PIK3R3: variants seen among roughly 807,000 people sequenced by gnomAD.
PIK3R3 encodes the protein phosphoinositide-3-kinase regulatory subunit 3.
In PIK3R3, 64 loss-of-function variants were observed where a neutral mutation model predicts 62.9. The ratio of observed to expected loss-of-function variants is 1.02; its 90% CI spans 0.83 to 1.25. PIK3R3 has a LOEUF of 1.25. Among genes scored for constraint, PIK3R3 ranks in the 50% most tolerant of loss-of-function variants. The pLI is 0.00. For missense variants in PIK3R3, 614 were observed against 561.6 expected (o/e 1.09, Z -0.94); for synonymous variants, 165 against 189.0 (o/e 0.87, Z 1.04).
intron 3 of PIK3R3, 58 bp from the exon 4 acceptor site, chr1:46,067,149 T>G: frequency 7.8e-7 from 1 of 1,284,590 alleles, no homozygotes; most frequent in African/African-American, 1.5e-5. Context: ...ACTGAACTAC[T>G]GCTTTCATAT....
chr1:46,115,909 A>T (rs1654146832), intron 1 of PIK3R3, among the ~76,000 whole-genome samples: 1 of 152,188 alleles, frequency 6.6e-6, no homozygotes, highest in African/African-American at 2.4e-5. Flanking sequence ...GGAGACAGGT[A>T]CTCACGGAAT....
chr1:46,104,467 G>A (rs1652997525), intron 1 of PIK3R3, among the ~76,000 whole-genome samples: 1 of 152,068 alleles, frequency 6.6e-6, no homozygotes, highest in Non-Finnish European at 1.5e-5. Flanking sequence ...ATTCTGTGTA[G>A]TTACCATGTA....
At chr1:46,071,759 A>AGAGAGAGC (rs777668187) in intron 3 of PIK3R3, among the ~76,000 whole-genome samples, 18 of 100,112 alleles carry the variant, frequency 1.8e-4, no homozygotes, top group Non-Finnish European at 3.0e-4. Context: ...AGAGAGAGAG[A>AGAGAGAGC]GCGCGCGCCT....
At chr1:46,076,675 C>T (rs970840770) in intron 3 of PIK3R3, among the ~76,000 whole-genome samples, 1 of 152,266 alleles carries the variant, frequency 6.6e-6, no homozygotes, top group Non-Finnish European at 1.5e-5. Context: ...AGGCAGCAAA[C>T]AGCCAGATGA....
upstream of PIK3R3, among the ~76,000 whole-genome samples, chr1:46,135,420 A>G (rs1655893648): frequency 1.3e-5 from 2 of 152,188 alleles, no homozygotes; most frequent in African/African-American, 2.4e-5. Flanking sequence ...GATTTATGCA[A>G]GCTGCTTAGT....
At chr1:46,119,917 A>G (rs941704930) in intron 1 of PIK3R3, among the ~76,000 whole-genome samples, 4 of 151,896 alleles carry the variant, frequency 2.6e-5, no homozygotes, top group Non-Finnish European at 5.9e-5. Flanking sequence ...AGCTGGGACT[A>G]TAAGAATGCA....
Position 46,043,232 on chromosome 1 carries a change from G to C in PIK3R3, c.*441C>G, listed in dbSNP as rs1009008408. The C allele has an allele frequency of 1.7e-5, 4 of 233,510 alleles. No individual in the cohort carries two copies. Among genetic ancestry groups the C allele is most frequent in the East Asian group, 6.1e-5 (1 of 16,468 alleles). The allele number at this position is 233,510 out of a possible 1,614,324, so 14.5% of individuals were successfully genotyped here. A position where few individuals can be genotyped will look rare whatever the true frequency, so the allele number is the denominator to read the frequency against. On this transcript the variant is annotated 3_prime_UTR_variant, in exon 10 of 10. Coordinates refer to ENST00000262741, the MANE Select transcript of PIK3R3 (RefSeq NM_003629.4). ...ACAAAACCTAAACAGCCTTCTTCGT[G>C]GGGGGAAGAGAGACTGCCAAAGCAA...
At chr1:46,050,121 C>CAAAAAAA (rs1265958044) in intron 7 of PIK3R3, among the ~76,000 whole-genome samples, 1 of 79,008 alleles carries the variant, frequency 1.3e-5, no homozygotes. Flanking sequence ...AACTCTGTCT[C>CAAAAAAA]AAAAAAAAAA....
At chr1:46,131,750 G>A in intron 1 of PIK3R3, 97 bp downstream of exon 1, 1 of 1,151,754 alleles carries the variant, frequency 8.7e-7, no homozygotes, top group Non-Finnish European at 1.3e-6. Flanking sequence ...CGAACCTAGC[G>A]CACCCAGGAA....
chr1:46,097,614 G>A lies in PIK3R3; in HGVS notation c.107-16864C>T, dbSNP rs1013002887. ...TTAAGATTCTAGCCAGGGGCTGGGC[G>A]TGGTGGCTCATACCTGTAATCCCAG... On this transcript the variant is annotated intron_variant, in intron 1 of 9. Transcript: ENST00000262741. 3.9e-5 allele frequency among the ~76,000 whole-genome samples: 6 copies of A among 152,120 alleles called. No homozygotes were observed. The East Asian group carries it at 5.8e-4, about 15-fold the overall frequency.
the PIK3R3 span, among the ~76,000 whole-genome samples, chr1:46,149,139 C>T: frequency 3.3e-5 from 5 of 152,064 alleles, no homozygotes; most frequent in African/African-American, 9.7e-5. Flanking sequence ...AAGATACTCC[C>T]GGCTGGGCGG....
intron 1 of PIK3R3, among the ~76,000 whole-genome samples, chr1:46,098,183 G>A (rs546507290): frequency 6.6e-6 from 1 of 152,232 alleles, no homozygotes; most frequent in South Asian, 2.1e-4. Flanking sequence ...TAGTCATTAG[G>A]AAAATGCAAA....
chr1:46,073,100 C>A (rs1344863841), intron 3 of PIK3R3, among the ~76,000 whole-genome samples: 2 of 152,032 alleles, frequency 1.3e-5, no homozygotes, highest in Non-Finnish European at 2.9e-5. Flanking sequence ...CCAAGACAGA[C>A]TAGGTGGGAA....
chr1:46,088,196 G>C (rs1651274360), intron 1 of PIK3R3, among the ~76,000 whole-genome samples: 1 of 152,066 alleles, frequency 6.6e-6, no homozygotes, highest in Non-Finnish European at 1.5e-5. Context: ...ACCAGCCTGG[G>C]CAACAGAGCA....
the PIK3R3 span, among the ~76,000 whole-genome samples, chr1:46,172,992 C>CA: frequency 3.0e-3 from 425 of 140,688 alleles, 1 homozygote; most frequent in East Asian, 7.2e-3. Context: ...GGCGCTGTCT[C>CA]AAAAAAAAAA....
chr1:46,087,614 T>TTGGTAG (rs1651205796), intron 1 of PIK3R3, among the ~76,000 whole-genome samples: 1 of 148,752 alleles, frequency 6.7e-6, no homozygotes, highest in Admixed American at 6.7e-5. Context: ...TTTTTTTTTT[T>TTGGTAG]GGTAGACACA....
At chr1:46,126,066 T>C (rs1655068684) in intron 1 of PIK3R3, among the ~76,000 whole-genome samples, 2 of 151,866 alleles carry the variant, frequency 1.3e-5, no homozygotes, top group Non-Finnish European at 2.9e-5. Context: ...TGCCGCAATC[T>C]AGAGTTTCTA....
At chr1:46,088,302 TTAAAA>T (rs1272308036) in intron 1 of PIK3R3, among the ~76,000 whole-genome samples, 3 of 144,086 alleles carry the variant, frequency 2.1e-5, no homozygotes, top group Admixed American at 2.0e-4. Context: ...TTACCACAAC[TTAAAA>T]TAAAAAAACA....
At chr1:46,137,999 A>AC (rs1438278973), upstream of PIK3R3, among the ~76,000 whole-genome samples, 4 of 152,120 alleles carry the variant, frequency 2.6e-5, no homozygotes, top group Non-Finnish European at 5.9e-5. Flanking sequence ...CCTCTGGCTG[A>AC]CCCTAGGGTC....
Sources: allele counts gnomAD v4.1 joint callset (sites outside exome capture counted in the v4.1 genomes callset), GRCh38; gene constraint gnomAD v4.1.1; transcripts MANE v1.5; gene names NCBI Gene and HGNC (gene_info 2026-07-23, HGNC 2026-07-21).